The following ATP2C2 variants were observed in gnomAD, a reference collection of about 807,000 sequenced individuals.
The protein encoded by ATP2C2 is ATPase secretory pathway Ca2+ transporting 2.
ATP2C2 carries 171 observed loss-of-function variants against 110.8 expected under a neutral mutation model. The observed-to-expected ratio is 1.54, with a 90% CI of 1.36 to 1.75. ATP2C2 has a LOEUF of 1.75. ATP2C2 is among the 40% of genes most tolerant of loss of function. The pLI is 0.00. For missense variants in ATP2C2, 1,963 were observed against 1,235.0 expected (o/e 1.59, Z -8.84); for synonymous variants, 804 against 508.4 (o/e 1.58, Z -7.82).
intron 20 of ATP2C2, 130 bp from the exon 21 acceptor site, chr16:84,454,688 G>C (rs1399444149): frequency 2.1e-6 from 2 of 956,028 alleles, no homozygotes; most frequent in African/African-American, 1.7e-5. Context: ...GCTAATGTGG[G>C]TGAAGCTGGG....
In ATP2C2 at chr16:84,460,989, G is replaced by C; in HGVS notation, c.2481+188G>C. ...AGGGACTGGGTGACCCTTGAAAGAA[G>C]GGAGGTCGCCAGGTGTGTGCCTGGG... On this transcript the variant is annotated intron_variant, in intron 24 of 26. Coordinates refer to ENST00000262429, the MANE Select transcript of ATP2C2 (RefSeq NM_014861.4). The C allele has an allele frequency of 3.8e-6, 3 of 799,524 alleles. No individual in the cohort carries two copies. The South Asian group carries it at 7.2e-5, about 19-fold the overall frequency. 49.5% of individuals were successfully genotyped at this position (799,524 alleles called of 1,614,324 possible). A position where few individuals can be genotyped will look rare whatever the true frequency, so the allele number is the denominator to read the frequency against.
At chr16:84,418,554 C>A (rs1359011700) in intron 7 of ATP2C2, among the ~76,000 whole-genome samples, 1 of 152,198 alleles carries the variant, frequency 6.6e-6, no homozygotes, top group East Asian at 1.9e-4. Flanking sequence ...TCTCCCAACA[C>A]CCTTAAGAGA....
chr16:84,410,644 G>T, intron 5 of ATP2C2, 41 bp downstream of exon 5: 3 of 1,613,752 alleles, frequency 1.9e-6, no homozygotes, highest in Non-Finnish European at 2.5e-6. Context: ...AAGCTGGGCG[G>T]GACAGGAGCT....
At chr16:84,403,683 C>T (rs537542947) in intron 2 of ATP2C2, among the ~76,000 whole-genome samples, 1 of 151,902 alleles carries the variant, frequency 6.6e-6, no homozygotes, top group Non-Finnish European at 1.5e-5. Context: ...CATTCTCTAT[C>T]TCCAGAATTC....
intron 2 of ATP2C2, among the ~76,000 whole-genome samples, chr16:84,399,413 C>G (rs1905187699): frequency 6.6e-6 from 1 of 152,170 alleles, no homozygotes; most frequent in Admixed American, 6.5e-5. Flanking sequence ...ATCTAGAAAT[C>G]AATTCTGTTC....
chr16:84,448,330 T>C (rs1160481186), intron 16 of ATP2C2, among the ~76,000 whole-genome samples: 1 of 152,208 alleles, frequency 6.6e-6, no homozygotes, highest in African/African-American at 2.4e-5. Context: ...TTGTTCTTTC[T>C]CTGGACTGCA....
chr16:84,412,005 T>A (rs56181981), intron 6 of ATP2C2, among the ~76,000 whole-genome samples: 28,941 of 150,296 alleles, frequency 0.19, 2,734 homozygotes, highest in South Asian at 0.27. Flanking sequence ...TTCTTTCTTT[T>A]TCTTTTTGTT....
chr16:84,441,225 G>A (rs1909225929), intron 14 of ATP2C2, among the ~76,000 whole-genome samples: 1 of 152,150 alleles, frequency 6.6e-6, no homozygotes. Context: ...TTGAGGCCAG[G>A]AGTTCGAGAC....
rs1258969725 is a variant in ATP2C2 at position 84,441,925 on chromosome 16, A to G, written c.1312-585A>G. Among the ~76,000 whole-genome samples, 5 of 147,834 alleles carry G rather than the reference A, an allele frequency of 3.4e-5. No homozygotes were observed. The Admixed American group carries it at 3.5e-4, about 10-fold the overall frequency. On this transcript the variant is annotated intron_variant, in intron 14 of 26. Transcript: ENST00000262429. ...GTAATAGAATGAGACTCCATCTCGA[A>G]TGAATGAATGAATGAAACAAAAATA...
In ATP2C2 at chr16:84,459,113, C is replaced by G. The variant is rs769949963; in HGVS notation, c.2148-7C>G. Reference sequence around the variant, plus strand: ...CTCCGTGAGTAAATGGCTCTCTTCTCTTGCAGGAATGCAGTGGAGGAAGGC... The same window carrying G: ...CTCCGTGAGTAAATGGCTCTCTTCTGTTGCAGGAATGCAGTGGAGGAAGGC... On this transcript the variant is annotated splice_polypyrimidine_tract_variant and splice_region_variant and intron_variant, in intron 21 of 26. Coordinates refer to ENST00000262429, the MANE Select transcript of ATP2C2 (RefSeq NM_014861.4). 2 of 1,614,082 alleles carry G rather than the reference C, an allele frequency of 1.2e-6. No homozygotes were observed. Among genetic ancestry groups the G allele is most frequent in the Non-Finnish European group, 1.7e-6 (2 of 1,180,012 alleles).
intron 1 of ATP2C2, among the ~76,000 whole-genome samples, chr16:84,388,931 T>C (rs950559714): frequency 3.3e-5 from 5 of 151,958 alleles, no homozygotes; most frequent in African/African-American, 7.3e-5. Flanking sequence ...GCCACCATGC[T>C]CGGCTAATTT....
intron 3 of ATP2C2, among the ~76,000 whole-genome samples, chr16:84,407,742 G>C (rs150823945): frequency 1.5e-3 from 229 of 152,268 alleles, no homozygotes; most frequent in African/African-American, 5.1e-3. Context: ...AAAGGGCTGG[G>C]ATTACAGTGT....
At chr16:84,433,810 G>T (rs1233541023) in intron 11 of ATP2C2, among the ~76,000 whole-genome samples, 2 of 152,066 alleles carry the variant, frequency 1.3e-5, no homozygotes, top group African/African-American at 4.8e-5. Context: ...AGCAAAAAAG[G>T]CTTCTGTGCT....
chr16:84,430,552 A>G (rs1052895881), intron 11 of ATP2C2, among the ~76,000 whole-genome samples: 2 of 150,512 alleles, frequency 1.3e-5, no homozygotes, highest in African/African-American at 4.9e-5. Context: ...AGGCAAGAGA[A>G]TTGCTTGAAC....
At position 84,435,552 on chromosome 16, in the gene ATP2C2, T is replaced by C. The variant is rs76300886; in HGVS notation, c.987-3614T>C. On this transcript the variant is annotated intron_variant, in intron 11 of 26. Coordinates refer to ENST00000262429, the MANE Select transcript of ATP2C2 (RefSeq NM_014861.4). ...GATAAAAACAGCCACCTGGCCAAGC[T>C]TGGAGGCTCATGCCTGTAATCCCAG... Among the ~76,000 whole-genome samples, 18 of 152,300 alleles carry C rather than the reference T, an allele frequency of 1.2e-4. No homozygotes were observed. In the East Asian group the frequency reaches 3.5e-3, roughly 29 times the overall value.
intron 21 of ATP2C2, among the ~76,000 whole-genome samples, chr16:84,455,246 G>C (rs1428215739): frequency 6.6e-6 from 1 of 152,114 alleles, no homozygotes; most frequent in African/African-American, 2.4e-5. Context: ...AGCAGAGATG[G>C]GATTTGCTGC....
chr16:84,372,570 A>G (rs1597722744), intron 1 of ATP2C2, among the ~76,000 whole-genome samples: 1 of 151,502 alleles, frequency 6.6e-6, no homozygotes, highest in South Asian at 2.1e-4. Context: ...GATTACAGGC[A>G]CCCGCCACCA....
chr16:84,411,939 TTTTCTTTTCTTTCTTTTC>T (rs1041110948), intron 6 of ATP2C2, among the ~76,000 whole-genome samples: 1 of 151,770 alleles, frequency 6.6e-6, no homozygotes, highest in East Asian at 1.9e-4. Context: ...CTTTCCTTTC[TTTTCTTTTCTTTCTTTTC>T]TTTCTTTCCT....
chr16:84,459,495 C>T (rs781076768), intron 23 of ATP2C2, 109 bp downstream of exon 23: 1 of 1,586,588 alleles, frequency 6.3e-7, no homozygotes, highest in Non-Finnish European at 8.6e-7. Flanking sequence ...AATACAGCCA[C>T]TTTCCATCAG....
Sources: gnomAD v4.1 joint callset for allele counts (sites outside exome capture counted in the v4.1 genomes callset) on GRCh38, gnomAD v4.1.1 for gene constraint, MANE v1.5 for transcripts, NCBI Gene and HGNC (gene_info 2026-07-23, HGNC 2026-07-21) for gene names.